The following ROBO2 variants were observed in gnomAD, a reference collection of about 807,000 sequenced individuals.
The protein encoded by ROBO2 is roundabout guidance receptor 2.
ROBO2 carries 53 observed loss-of-function variants against 160.8 expected under a neutral mutation model. The observed-to-expected ratio is 0.33, with a 90% CI of 0.26 to 0.41. ROBO2 has a LOEUF of 0.41. Ranked by LOEUF, ROBO2 falls within the 10% of genes least tolerant of loss-of-function variation. The pLI, the probability that ROBO2 is intolerant of heterozygous loss-of-function variation, is 1.00. For synonymous variants in ROBO2, 664 were observed against 611.7 expected (o/e 1.09, Z -1.26); for missense variants, 1,577 against 1,722.4 (o/e 0.92, Z 1.49).
At chr3:76,180,591 T>A (rs1314241230) in intron 2 of ROBO2, among the ~76,000 whole-genome samples, 1 of 152,072 alleles carries the variant, frequency 6.6e-6, no homozygotes, top group Non-Finnish European at 1.5e-5. Context: ...GTCCTGTTAC[T>A]CCTCCCTCCA....
chr3:77,490,841 C>T (rs968465862), intron 4 of ROBO2, among the ~76,000 whole-genome samples: 1 of 152,154 alleles, frequency 6.6e-6, no homozygotes, highest in East Asian at 1.9e-4. Flanking sequence ...CTTGTCTGTC[C>T]CCTTTTCGAC....
chr3:77,146,770 C>A (rs1280730105), intron 2 of ROBO2, among the ~76,000 whole-genome samples: 1 of 152,036 alleles, frequency 6.6e-6, no homozygotes, highest in Non-Finnish European at 1.5e-5. Flanking sequence ...AGTTCAAGAC[C>A]AGCCTGGCCA....
chr3:76,184,344 A>G (rs1701642809), intron 2 of ROBO2, among the ~76,000 whole-genome samples: 1 of 152,132 alleles, frequency 6.6e-6, no homozygotes, highest in Admixed American at 6.6e-5. Context: ...CGGTTCAAAA[A>G]GAGAAGACAG....
chr3:76,687,384 A>G (rs534226672), intron 2 of ROBO2, among the ~76,000 whole-genome samples: 2 of 152,236 alleles, frequency 1.3e-5, no homozygotes, highest in African/African-American at 2.4e-5. Context: ...TATCTTGTAC[A>G]TTGTTCATAT....
chr3:76,315,444 T>C (rs147884916), intron 2 of ROBO2, among the ~76,000 whole-genome samples: 1 of 152,190 alleles, frequency 6.6e-6, no homozygotes, highest in Non-Finnish European at 1.5e-5. Context: ...TATGAGCACA[T>C]ACTACGGTAT....
rs147693923 is a variant in ROBO2, at chr3:76,278,194, A to G, written c.109+340592A>G. Among the ~76,000 whole-genome samples the G allele has an allele frequency of 7.0e-3, 1,069 of 152,124 alleles. 16 individuals are homozygous for G. The highest frequency in any genetic ancestry group is 0.025 in the African/African-American group (1,023 of 41,556). ...CAGAGACTGAAATCGAGTAGAATCAAGCTTCAGAAATGAAGAAAAACATTA... is the reference window on the plus strand; with the variant it reads ...CAGAGACTGAAATCGAGTAGAATCAGGCTTCAGAAATGAAGAAAAACATTA... On this transcript the variant is annotated intron_variant, in intron 2 of 26. Coordinates refer to the ROBO2 transcript ENST00000487694.
intron 2 of ROBO2, among the ~76,000 whole-genome samples, chr3:76,916,500 C>A (rs1396311635): frequency 6.6e-6 from 1 of 151,252 alleles, no homozygotes; most frequent in Non-Finnish European, 1.5e-5. Flanking sequence ...TGGCACCATG[C>A]CCCACTAATT....
intron 2 of ROBO2, among the ~76,000 whole-genome samples, chr3:76,549,921 G>T (rs573862670): frequency 2.0e-4 from 31 of 152,278 alleles, no homozygotes; most frequent in African/African-American, 7.2e-4. Flanking sequence ...TTACTGTAAA[G>T]ATGATTTGCC....
intron 8 of ROBO2, among the ~76,000 whole-genome samples, chr3:77,553,095 G>T (rs1022429344): frequency 2.6e-5 from 4 of 151,922 alleles, no homozygotes; most frequent in Non-Finnish European, 5.9e-5. Flanking sequence ...AAGTCTGTTG[G>T]TGCCATTTTA....
At chr3:77,192,734 C>T (rs1309547499) in intron 2 of ROBO2, among the ~76,000 whole-genome samples, 1 of 145,854 alleles carries the variant, frequency 6.9e-6, no homozygotes, top group Non-Finnish European at 1.5e-5. Context: ...CAACCTCTGC[C>T]TCCTGGGTTC....
chr3:77,469,801 T>C (rs2083166256), intron 2 of ROBO2, among the ~76,000 whole-genome samples: 1 of 152,184 alleles, frequency 6.6e-6, no homozygotes, highest in Admixed American at 6.5e-5. Context: ...TGGTCTATTT[T>C]ATATCATAAA....
At chr3:77,421,821 A>G (rs989130411) in intron 2 of ROBO2, among the ~76,000 whole-genome samples, 1 of 152,156 alleles carries the variant, frequency 6.6e-6, no homozygotes, top group African/African-American at 2.4e-5. Context: ...GCATGGTAGA[A>G]ATTTTATTAT....
intron 2 of ROBO2, among the ~76,000 whole-genome samples, chr3:76,868,918 G>A (rs1433601454): frequency 6.6e-6 from 1 of 152,066 alleles, no homozygotes; most frequent in Non-Finnish European, 1.5e-5. Context: ...ATTTTGAACT[G>A]CAACCAGAAT....
exon 13 of ROBO2, chr3:77,568,423 G>T: frequency 6.2e-7 from 1 of 1,612,746 alleles, no homozygotes; most frequent in Non-Finnish European, 8.5e-7. Context: ...CACGGTTCAG[G>T]TCACATGGAC....
chr3:76,057,603 A>G (rs981026271), intron 2 of ROBO2, among the ~76,000 whole-genome samples: 1 of 152,196 alleles, frequency 6.6e-6, no homozygotes, highest in Non-Finnish European at 1.5e-5. Context: ...TTAGAAATAT[A>G]TCAGTTTCTT....
At chr3:76,308,287 G>A (rs2071414075) in intron 2 of ROBO2, among the ~76,000 whole-genome samples, 1 of 140,190 alleles carries the variant, frequency 7.1e-6, no homozygotes, top group African/African-American at 2.6e-5. Context: ...TGAGGCAGAA[G>A]AATCGCTTGA....
intron 5 of ROBO2, among the ~76,000 whole-genome samples, chr3:77,518,733 C>A (rs1422224743): frequency 6.6e-6 from 1 of 151,426 alleles, no homozygotes; most frequent in East Asian, 1.9e-4. Flanking sequence ...TTATTATAAT[C>A]TTTTCCAACT....
At chr3:76,304,870 C>T (rs2324497) in intron 2 of ROBO2, among the ~76,000 whole-genome samples, 140,886 of 150,480 alleles carry the variant, frequency 0.94, 66,567 homozygotes, top group Non-Finnish European at 1. Context: ...AGATTTTTCT[C>T]GATGTATATA....
intron 2 of ROBO2, among the ~76,000 whole-genome samples, chr3:77,016,580 C>T (rs1346311546): frequency 6.6e-6 from 1 of 152,046 alleles, no homozygotes; most frequent in Non-Finnish European, 1.5e-5. Flanking sequence ...ATACAAAATG[C>T]CAGTATTTGA....
Sources: allele counts gnomAD v4.1 joint callset (sites outside exome capture counted in the v4.1 genomes callset), GRCh38; gene constraint gnomAD v4.1.1; transcripts MANE v1.5; gene names NCBI Gene and HGNC (gene_info 2026-07-23, HGNC 2026-07-21).